Variants in SEMA4D observed in about 807,000 individuals in gnomAD.
The protein encoded by SEMA4D is semaphorin-4D.
A neutral mutation model predicts 74.8 loss-of-function variants in SEMA4D; 22 were observed. The observed-to-expected ratio is 0.29, with a 90% confidence interval of 0.21 to 0.42. The LOEUF (loss-of-function observed/expected upper bound fraction) is 0.42. SEMA4D is among the 10% of genes least tolerant of loss of function. SEMA4D has a pLI of 1.00. For synonymous variants in SEMA4D, 445 were observed against 463.7 expected, an observed-to-expected ratio of 0.96 and a Z score of 0.52; for missense variants, 937 against 1,118.4, an observed-to-expected ratio of 0.84 and a Z score of 2.31.
chr9:89,446,283 G>A (rs1420122997), intron 2 of SEMA4D, among the ~76,000 whole-genome samples: 1 of 152,186 alleles, frequency 6.6e-6, no homozygotes, highest in Non-Finnish European at 1.5e-5. Flanking sequence ...AGATAGTCCA[G>A]AATCATCTCC....
chr9:89,421,183 G>A (rs998507236), intron 2 of SEMA4D, among the ~76,000 whole-genome samples: 4 of 152,222 alleles, frequency 2.6e-5, no homozygotes, highest in African/African-American at 4.8e-5. Flanking sequence ...GGCTGTGGAC[G>A]GGGAGAGGGC....
intron 1 of SEMA4D, among the ~76,000 whole-genome samples, chr9:89,467,134 C>G (rs17054917): frequency 2.6e-5 from 4 of 152,146 alleles, no homozygotes; most frequent in African/African-American, 9.7e-5. Context: ...TGTCCCAGCT[C>G]GTGTATCATG....
chr9:89,370,411 G>C (rs1000409962), intron 16 of SEMA4D, among the ~76,000 whole-genome samples: 1 of 150,802 alleles, frequency 6.6e-6, no homozygotes, highest in Admixed American at 6.6e-5. Flanking sequence ...TGGTGTGTGT[G>C]GTGTGTTTGT....
At chr9:89,482,304 G>A (rs913281019) in intron 1 of SEMA4D, among the ~76,000 whole-genome samples, 2 of 152,198 alleles carry the variant, frequency 1.3e-5, no homozygotes, top group Non-Finnish European at 2.9e-5. Context: ...CAGAGTCTCA[G>A]ACCATGGAAT....
intron 16 of SEMA4D, among the ~76,000 whole-genome samples, chr9:89,366,003 C>G (rs1461008246): frequency 6.6e-6 from 1 of 152,214 alleles, no homozygotes; most frequent in Non-Finnish European, 1.5e-5. Flanking sequence ...CAAGCTCAGA[C>G]CCTTTAGCTG....
rs1449540532 is a variant in SEMA4D, at chr9:89,476,165, G to C, written c.-309-20212C>G. Among the ~76,000 whole-genome samples the C allele has an allele frequency of 2.6e-5, 4 of 152,186 alleles. No individual in the cohort carries two copies. In the South Asian group the frequency reaches 8.3e-4, roughly 31 times the overall value. On this transcript the variant is annotated intron_variant, in intron 1 of 15. Transcript: ENST00000422704. Reference sequence around the variant, plus strand: ...ACCTCATGCTGGCCCGATGATCTCTGGGCAAGAATAACAAGCCCTGCCTGC... The same window carrying C: ...ACCTCATGCTGGCCCGATGATCTCTCGGCAAGAATAACAAGCCCTGCCTGC...
At chr9:89,432,554 C>T (rs541092855) in intron 2 of SEMA4D, among the ~76,000 whole-genome samples, 1 of 152,278 alleles carries the variant, frequency 6.6e-6, no homozygotes, top group South Asian at 2.1e-4. Flanking sequence ...GGGGCACACC[C>T]CGTGGGGATT....
At position 89,484,636 on chromosome 9, in the gene SEMA4D, T is replaced by C. The variant is rs1216150833; in HGVS notation, c.-310+13283A>G. Among the ~76,000 whole-genome samples the C allele has an allele frequency of 1.3e-5, 2 of 150,026 alleles. No homozygotes were observed. The highest frequency in any genetic ancestry group is 4.9e-5 in the African/African-American group (2 of 40,626). On this transcript the variant is annotated intron_variant, in intron 1 of 15. Transcript: ENST00000422704. The surrounding 1 kb of genome is among the most constrained non-coding windows in gnomAD (Gnocchi z 4.1). The stretch of plus-strand genomic sequence containing the variant: ...TGTGATGTGCGGTGTATGTATGCAG[T>C]ATATATGTAGTGTGTGTGTGGTGTG...
In SEMA4D at chr9:89,379,470, T is replaced by A. The variant is rs959897181; in HGVS notation, c.1823A>T (p.Asn608Ile). ...SPKYGLMGRK[N>I]LLIFNLSEGD... is the part of the protein sequence containing the mutation. ...TTCTGACAAGTTGAAGATGAGCAAG[T>A]TTTTTCTGCCCATAAGACCGTACTT... Residue 608 changes from asparagine (N) to isoleucine (I), a missense_variant, in exon 16 of 16, where the codon AAC becomes ATC. By Grantham distance (149) the Asn-to-Ile change is moderately radical. Transcript: ENST00000422704. 2 of 1,613,920 alleles carry A rather than the reference T, an allele frequency of 1.2e-6. No homozygotes were observed. Among genetic ancestry groups the A allele is most frequent in the Non-Finnish European group, 1.7e-6 (2 of 1,180,016 alleles).
intron 1 of SEMA4D, among the ~76,000 whole-genome samples, chr9:89,477,078 GAC>G (rs1861929087): frequency 6.6e-6 from 1 of 152,168 alleles, no homozygotes; most frequent in Non-Finnish European, 1.5e-5. Context: ...ATACAACTAA[GAC>G]TTCCGTAAAA....
chr9:89,448,564 C>T (rs1587970606), intron 2 of SEMA4D, among the ~76,000 whole-genome samples: 2 of 151,804 alleles, frequency 1.3e-5, no homozygotes, highest in South Asian at 4.2e-4. Context: ...GGCCACAGCC[C>T]GCCTACACTC....
chr9:89,398,892 A>C (rs1841587547), intron 5 of SEMA4D, among the ~76,000 whole-genome samples: 1 of 152,226 alleles, frequency 6.6e-6, no homozygotes, highest in African/African-American at 2.4e-5. Context: ...CATGACTAGC[A>C]ACTCCTCCAA....
chr9:89,486,872 T>C (rs1425330694), intron 1 of SEMA4D, among the ~76,000 whole-genome samples: 1 of 152,134 alleles, frequency 6.6e-6, no homozygotes, highest in East Asian at 1.9e-4. Context: ...GAGCTATGAT[T>C]GTACCACTGC....
At chr9:89,406,063 G>C (rs1197732101) in intron 2 of SEMA4D, 120 of 443,768 alleles carry the variant, frequency 2.7e-4, no homozygotes, top group Non-Finnish European at 3.3e-4. Context: ...AATGAAGGAA[G>C]AGAACTCGGG....
intron 2 of SEMA4D, among the ~76,000 whole-genome samples, chr9:89,438,572 GACAA>G (rs1168341370): frequency 3.3e-5 from 5 of 152,216 alleles, no homozygotes; most frequent in Non-Finnish European, 4.4e-5. Flanking sequence ...TCGTTCCTGA[GACAA>G]ACAACATTTC....
chr9:89,420,350 T>A (rs1319155920), intron 2 of SEMA4D, among the ~76,000 whole-genome samples: 1 of 152,234 alleles, frequency 6.6e-6, no homozygotes, highest in Admixed American at 6.5e-5. Context: ...ACTTCTCATG[T>A]AATTACTCAT....
chr9:89,426,946 G>C (rs565502313), intron 2 of SEMA4D, among the ~76,000 whole-genome samples: 1 of 152,216 alleles, frequency 6.6e-6, no homozygotes, highest in African/African-American at 2.4e-5. Flanking sequence ...AACACTGCAG[G>C]CCACACCTGT....
At chr9:89,426,420 C>G (rs1262462198) in intron 2 of SEMA4D, among the ~76,000 whole-genome samples, 1 of 152,174 alleles carries the variant, frequency 6.6e-6, no homozygotes, top group Non-Finnish European at 1.5e-5. Context: ...GGAACCTAGT[C>G]AACAGGAGGC....
downstream of SEMA4D, chr9:89,376,973 G>A (rs1274082797): frequency 6.4e-7 from 1 of 1,550,458 alleles, no homozygotes; most frequent in Non-Finnish European, 8.7e-7. Context: ...CCAGGGAGAG[G>A]AAAGCCTCCT....
Sources: gnomAD v4.1 joint callset for allele counts (sites outside exome capture counted in the v4.1 genomes callset) on GRCh38, gnomAD v4.1.1 for gene constraint, Gnocchi (gnomAD v3.1) non-coding constraint, MANE v1.5 for transcripts, NCBI Gene and HGNC (gene_info 2026-07-23, HGNC 2026-07-21) for gene names.